The following KIF1A variants were observed in gnomAD, a reference collection of about 807,000 sequenced individuals.
KIF1A encodes the protein kinesin family member 1A, also known as kinesin-like protein KIF1A.
In KIF1A, 46 loss-of-function variants were observed where a neutral mutation model predicts 227.3. The observed-to-expected ratio is 0.20, with a 90% confidence interval of 0.16 to 0.26. The LOEUF (loss-of-function observed/expected upper bound fraction) is 0.26, where lower values mean the gene tolerates loss of function less well. Among genes scored for constraint, KIF1A ranks in the 10% least tolerant of loss-of-function variants. The pLI, the probability that KIF1A is intolerant of heterozygous loss-of-function variation, is 1.00. For missense variants in KIF1A, 1,683 were observed against 2,485.9 expected (o/e 0.68, Z 6.87); for synonymous variants, 1,022 against 1,012.8 (o/e 1.01, Z -0.17).
chr2:240,722,931 T>C (rs1331322177), intron 42 of KIF1A, among the ~76,000 whole-genome samples: 1 of 152,088 alleles, frequency 6.6e-6, no homozygotes, highest in African/African-American at 2.4e-5. Flanking sequence ...ACGCGCCAGG[T>C]TCTGGGGCAG....
At chr2:240,747,029 G>A (rs1027959658) in intron 29 of KIF1A, among the ~76,000 whole-genome samples, 12 of 152,154 alleles carry the variant, frequency 7.9e-5, no homozygotes, top group African/African-American at 1.9e-4. Context: ...GGAGATGGGC[G>A]GATCCAGGGG....
At chr2:240,782,148 G>C (rs1187181904) in intron 10 of KIF1A, 1 of 985,218 alleles carries the variant, frequency 1.0e-6, no homozygotes, top group South Asian at 4.7e-5. Flanking sequence ...CGCGCTCCGC[G>C]GCACCTCCGA....
At chr2:240,801,759 C>T (rs2056991464) in intron 1 of KIF1A, among the ~76,000 whole-genome samples, 1 of 152,174 alleles carries the variant, frequency 6.6e-6, no homozygotes, top group Non-Finnish European at 1.5e-5. Flanking sequence ...GAGAGCAGGG[C>T]AAGAAGGCGT....
chr2:240,734,824 A>G, intron 38 of KIF1A: 2 of 971,810 alleles, frequency 2.1e-6, no homozygotes, highest in Non-Finnish European at 2.9e-6. Context: ...GGCAGAGGGA[A>G]GCGGCCTGTG....
chr2:240,738,734 G>T (rs1238062309), intron 37 of KIF1A, among the ~76,000 whole-genome samples: 1 of 152,224 alleles, frequency 6.6e-6, no homozygotes, highest in African/African-American at 2.4e-5. Flanking sequence ...GGCCTTTTTA[G>T]AAAGAAGGTG....
rs1435248246 is a variant in KIF1A, at chr2:240,797,706, T to C, written c.47A>G (p.Asn16Ser). The C allele has an allele frequency of 6.2e-7, 1 of 1,612,634 alleles. No individual in the cohort carries two copies. The highest frequency in any genetic ancestry group is 1.1e-5 in the South Asian group (1 of 90,906). ...VKVAVRVRPF[N>S]SREMSRDSKC... ...GGAGTCACGGCTCATTTCCCGGGAA[T>C]TGAAGGGGCGGACCCGCACCGCCAC... The change falls in exon 2 of 49, where the codon AAT becomes AGT. Residue 16 changes from asparagine to serine, a missense_variant. Coordinates refer to ENST00000498729, the MANE Select transcript of KIF1A (RefSeq NM_001244008.2).
chr2:240,817,179 G>A lies in KIF1A; in HGVS notation c.-61+2943C>T, dbSNP rs980796868. On this transcript the variant is annotated intron_variant, in intron 1 of 48. Coordinates refer to ENST00000498729, the MANE Select transcript of KIF1A (RefSeq NM_001244008.2). ...GGCCACCACCTAAGGGGCAGAAGCCGGCAAGGACGCAGGCCCAACGCTGCC... is the reference window on the plus strand; with the variant it reads ...GGCCACCACCTAAGGGGCAGAAGCCAGCAAGGACGCAGGCCCAACGCTGCC... Among the ~76,000 whole-genome samples, 9 of 152,338 alleles carry A rather than the reference G, an allele frequency of 5.9e-5. No individual in the cohort carries two copies. The South Asian group carries it at 8.3e-4, about 14-fold the overall frequency.
chr2:240,730,293 C>T (rs1470224343), intron 38 of KIF1A, among the ~76,000 whole-genome samples: 2 of 152,026 alleles, frequency 1.3e-5, no homozygotes, highest in African/African-American at 4.8e-5. Context: ...AGCATGGGAA[C>T]CACTGATGGG....
At chr2:240,816,777 A>G (rs995302943) in intron 1 of KIF1A, among the ~76,000 whole-genome samples, 14 of 152,228 alleles carry the variant, frequency 9.2e-5, no homozygotes, top group African/African-American at 3.1e-4. Flanking sequence ...TCTACAATGC[A>G]CTAGGCCTGC....
At chr2:240,747,141 G>A (rs923012051) in intron 29 of KIF1A, 95 bp downstream of exon 29, 2 of 840,254 alleles carry the variant, frequency 2.4e-6, no homozygotes, top group African/African-American at 3.4e-5. Flanking sequence ...AGGGCCCGTG[G>A]GATGGGACAC....
chr2:240,720,312 G>C (rs571546769), intron 45 of KIF1A: 26 of 171,494 alleles, frequency 1.5e-4, no homozygotes, highest in African/African-American at 5.9e-4. Flanking sequence ...CACTGGAGCA[G>C]AGGGTGCCGA....
At chr2:240,745,960 C>T in intron 30 of KIF1A, 51 bp from the exon 31 acceptor site, 1 of 1,592,096 alleles carries the variant, frequency 6.3e-7, no homozygotes, top group Non-Finnish European at 8.6e-7. Context: ...TATTGTCTTC[C>T]AGCCACAGGC....
Position 240,762,795 on chromosome 2 carries a change from C to T in KIF1A, c.2040G>A (p.Leu680=), listed in dbSNP as rs2050689146. Residue 680 remains leucine, a synonymous_variant, in exon 23 of 49, where the codon CTG becomes CTA. Transcript: ENST00000498729. ...EQQRLDYESK[L]EALQKQMDSR... Reference sequence around the variant, plus strand: ...AGTCCATCTGCTTCTGCAGAGCCTCCAGCTTGCTCTCATAGTCCTGCAGAA... The same window carrying T: ...AGTCCATCTGCTTCTGCAGAGCCTCTAGCTTGCTCTCATAGTCCTGCAGAA... 5.6e-6 allele frequency: 9 copies of T among 1,596,738 alleles called. No individual in the cohort carries two copies. The highest frequency in any genetic ancestry group is 7.7e-6 in the Non-Finnish European group (9 of 1,168,872).
rs1291806193 is a variant in KIF1A, at chr2:240,736,809, G to A, written c.4007+254C>T. On this transcript the variant is annotated intron_variant, in intron 38 of 48. Coordinates refer to ENST00000498729, the MANE Select transcript of KIF1A (RefSeq NM_001244008.2). The surrounding 1 kb of genome is among the most constrained non-coding windows in gnomAD (Gnocchi z 4.7). ...ACTCAGCTCATCTTCCAACCCCTGCGCTGGCCCCTCTGCTTGGTGATAAAC... is the reference window on the plus strand; with the variant it reads ...ACTCAGCTCATCTTCCAACCCCTGCACTGGCCCCTCTGCTTGGTGATAAAC... Among the ~76,000 whole-genome samples the A allele has an allele frequency of 1.3e-5, 2 of 152,172 alleles. No individual in the cohort carries two copies. Among genetic ancestry groups the A allele is most frequent in the African/African-American group, 2.4e-5 (1 of 41,428 alleles).
intron 14 of KIF1A, among the ~76,000 whole-genome samples, chr2:240,772,367 G>A (rs3772060): frequency 6.6e-6 from 1 of 152,124 alleles, no homozygotes; most frequent in African/African-American, 2.4e-5. Context: ...AGCCAGGAGT[G>A]TGGGCTCAGA....
At position 240,740,489 on chromosome 2, in the gene KIF1A, G is replaced by C; in HGVS notation, c.3750-125C>G. On this transcript the variant is annotated intron_variant, in intron 35 of 48. Transcript: ENST00000498729. This position sits in a 1 kb window ranked among gnomAD's most constrained non-coding sequence, Gnocchi z 6.1. ...AGCAGCTCCCTCTGGTGAAGATCAG[G>C]TGGTCTGATCCATGGAGACCACGGT... 1.3e-6 allele frequency: 1 copy of C among 788,586 alleles called. No homozygotes were observed. The highest frequency in any genetic ancestry group is 2.1e-6 in the Non-Finnish European group (1 of 465,532). 48.8% of individuals were successfully genotyped at this position (788,586 alleles called of 1,614,324 possible).
chr2:240,786,289 C>T lies in KIF1A; in HGVS notation c.608+46G>A, dbSNP rs200058747. 1.7e-4 allele frequency: 262 copies of T among 1,576,592 alleles called. 2 individuals are homozygous for T. The African/African-American group carries it at 2.5e-3, about 15-fold the overall frequency. ...TGAAGGGGCTTCCTCCGGGGAGAGG[C>T]GGCAGGACAGGAGGGCAGGGAGGTC... On this transcript the variant is annotated intron_variant, in intron 6 of 48. Transcript: ENST00000498729.
At position 240,740,269 on chromosome 2, in the gene KIF1A, G is replaced by A. The variant is rs2047804887; in HGVS notation, c.3816+29C>T. On this transcript the variant is annotated intron_variant, in intron 36 of 48. Transcript: ENST00000498729. The surrounding 1 kb of genome is among the most constrained non-coding windows in gnomAD (Gnocchi z 6.1). ...CTGGTGGGGTGGGGGAGGGGACACA[G>A]GCAGGGTAGGGGCAAGAGGGGCTCA... 6.2e-7 allele frequency: 1 copy of A among 1,603,774 alleles called. No individual in the cohort carries two copies. Among genetic ancestry groups the A allele is most frequent in the Non-Finnish European group, 8.5e-7 (1 of 1,172,306 alleles).
At chr2:240,771,429 C>G in intron 14 of KIF1A, 1 of 420,170 alleles carries the variant, frequency 2.4e-6, no homozygotes, top group Non-Finnish European at 4.4e-6. Context: ...TCCCCAGCAG[C>G]AGCATGGCAC....
Sources: gnomAD v4.1 joint callset for allele counts (sites outside exome capture counted in the v4.1 genomes callset) on GRCh38, gnomAD v4.1.1 for gene constraint, Gnocchi (gnomAD v3.1) non-coding constraint, MANE v1.5 for transcripts, NCBI Gene and HGNC (gene_info 2026-07-23, HGNC 2026-07-21) for gene names.